RYR3: variants seen among roughly 807,000 people sequenced by gnomAD.
RYR3 encodes the protein brain ryanodine receptor-calcium release channel.
A neutral mutation model predicts 584.3 loss-of-function variants in RYR3; 207 were observed. The ratio of observed to expected loss-of-function variants is 0.35; its 90% CI spans 0.32 to 0.40. The LOEUF (loss-of-function observed/expected upper bound fraction) is 0.40. RYR3 is among the 10% of genes least tolerant of loss of function. RYR3 has a pLI of 1.00. For synonymous variants in RYR3, 2,416 were observed against 2,248.5 expected (o/e 1.07, Z -2.11); for missense variants, 5,616 against 6,089.2 (o/e 0.92, Z 2.59).
At chr15:33,857,964 C>T (rs760267208) in intron 99 of RYR3, 50 bp downstream of exon 99, 25 of 1,605,604 alleles carry the variant, frequency 1.6e-5, no homozygotes, top group Admixed American at 1.2e-4. Flanking sequence ...GGGGCCACCC[C>T]GCCCCACCAC....
chr15:33,512,550 A>G (rs2053125048), intron 3 of RYR3, among the ~76,000 whole-genome samples: 1 of 152,206 alleles, frequency 6.6e-6, no homozygotes, highest in Admixed American at 6.5e-5. Flanking sequence ...CGTGTTGTGA[A>G]GTCGGCACCT....
chr15:33,491,919 T>G (rs749280637), intron 2 of RYR3, among the ~76,000 whole-genome samples: 3 of 152,110 alleles, frequency 2.0e-5, no homozygotes, highest in African/African-American at 7.2e-5. Flanking sequence ...CAGGAAAGAT[T>G]TGGGGAGAAG....
chr15:33,693,355 G>A (rs1173079894), intron 38 of RYR3, among the ~76,000 whole-genome samples: 6 of 152,228 alleles, frequency 3.9e-5, no homozygotes, highest in South Asian at 2.1e-4. Flanking sequence ...GCGCTGCTCA[G>A]TGTGCATGTG....
At chr15:33,749,196 T>G (rs1397798756) in intron 55 of RYR3, among the ~76,000 whole-genome samples, 1 of 152,180 alleles carries the variant, frequency 6.6e-6, no homozygotes, top group Non-Finnish European at 1.5e-5. Flanking sequence ...TGGAGGTGCT[T>G]GCTGGTCATT....
chr15:33,440,649 T>A (rs1186646077), intron 1 of RYR3, among the ~76,000 whole-genome samples: 8 of 152,174 alleles, frequency 5.3e-5, no homozygotes, highest in Non-Finnish European at 5.9e-5. Flanking sequence ...TCAAAGTGAT[T>A]CTCCAACGTG....
intron 1 of RYR3, among the ~76,000 whole-genome samples, chr15:33,450,663 T>C (rs972821615): frequency 5.9e-5 from 9 of 152,072 alleles, no homozygotes; most frequent in Non-Finnish European, 1.0e-4. Context: ...TTATTTACAC[T>C]GCACACCTTG....
chr15:33,662,677 G>C lies in RYR3; in HGVS notation c.5147G>C (p.Gly1716Ala). The change falls in exon 35 of 104, where the codon GGG becomes GCG. Residue 1716 changes from glycine (G) to alanine (A), a missense_variant. By Grantham distance (60) the Gly-to-Ala change is moderately conservative (BLOSUM62 0). Transcript: ENST00000634891. ...SGAHIRDPVG[G>A]SVEFQFVPVL... The stretch of plus-strand genomic sequence containing the variant: ...GCCCACATCCGAGACCCTGTAGGGG[G>C]GTCTGTGGAGTTCCAGTTTGTGCCT... 1.2e-6 allele frequency: 2 copies of C among 1,614,182 alleles called. No homozygotes were observed.
At chr15:33,383,152 G>A (rs1358887547) in intron 1 of RYR3, among the ~76,000 whole-genome samples, 2 of 151,624 alleles carry the variant, frequency 1.3e-5, no homozygotes, top group Non-Finnish European at 2.9e-5. Context: ...CAGACAGTAA[G>A]TGATGGGGGT....
intron 34 of RYR3, 122 bp downstream of exon 34, chr15:33,660,545 A>C: frequency 1.6e-6 from 1 of 625,762 alleles, no homozygotes; most frequent in Non-Finnish European, 2.7e-6. Flanking sequence ...GTATGACTTG[A>C]TTTCCCCAGT....
rs910198269 is a variant in RYR3 at position 33,835,063 on chromosome 15, ACT to A, written c.11565_11566del (p.Gln3856GlyfsTer41). On this transcript the variant is annotated frameshift_variant, in exon 87 of 104. Coordinates refer to ENST00000634891, the MANE Select transcript of RYR3 (RefSeq NM_001036.6). LOFTEE classifies it high-confidence loss of function. The part of the protein sequence containing the change: ...LHVFANMQMK[L>X]SQDSSQIELL... The stretch of plus-strand genomic sequence containing the variant: ...ATGTCTTTGCTAATATGCAGATGAA[ACT>A]CTCTCAGGTACTGTGGCCCATTCCC... The A allele has an allele frequency of 1.2e-6, 2 of 1,612,414 alleles. No homozygotes were observed. The highest frequency in any genetic ancestry group is 2.7e-5 in the African/African-American group (2 of 74,842).
At chr15:33,447,441 C>A (rs1164254255) in intron 1 of RYR3, among the ~76,000 whole-genome samples, 1 of 152,150 alleles carries the variant, frequency 6.6e-6, no homozygotes, top group African/African-American at 2.4e-5. Context: ...TCCTTCCCCA[C>A]CCCATGCCCA....
chr15:33,352,380 A>G (rs1315983466), intron 1 of RYR3, among the ~76,000 whole-genome samples: 1 of 151,980 alleles, frequency 6.6e-6, no homozygotes, highest in Non-Finnish European at 1.5e-5. Context: ...TTAGGGTTGA[A>G]TTCTTCTGGT....
At chr15:33,705,101 T>TTC (rs10534581) in intron 42 of RYR3, among the ~76,000 whole-genome samples, 5,081 of 142,076 alleles carry the variant, frequency 0.036, 138 homozygotes, top group Non-Finnish European at 0.038. Flanking sequence ...CACACACTCT[T>TTC]TCTCTCTCTC....
chr15:33,546,568 A>C (rs1241923078), intron 8 of RYR3, among the ~76,000 whole-genome samples: 2 of 152,220 alleles, frequency 1.3e-5, no homozygotes, highest in African/African-American at 4.8e-5. Flanking sequence ...CTGTATGATT[A>C]ATGTGTTCCT....
chr15:33,311,802 G>A lies in RYR3; in HGVS notation c.51+706G>A, dbSNP rs1349657609. Among the ~76,000 whole-genome samples the A allele has an allele frequency of 6.6e-6, 1 of 152,230 alleles. No individual in the cohort carries two copies. Among genetic ancestry groups the A allele is most frequent in the Non-Finnish European group, 1.5e-5 (1 of 68,038 alleles). ...GGGAAACCCCAGTCAGTGGCTCCGCGTCACTCAGGTCCCCTCCTTGACACC... is the reference window on the plus strand; with the variant it reads ...GGGAAACCCCAGTCAGTGGCTCCGCATCACTCAGGTCCCCTCCTTGACACC... On this transcript the variant is annotated intron_variant, in intron 1 of 103. Coordinates refer to ENST00000634891, the MANE Select transcript of RYR3 (RefSeq NM_001036.6). The surrounding 1 kb of genome is among the most constrained non-coding windows in gnomAD (Gnocchi z 4.4).
chr15:33,802,440 A>C, intron 69 of RYR3, among the ~76,000 whole-genome samples: 1 of 151,552 alleles, frequency 6.6e-6, no homozygotes, highest in East Asian at 2.0e-4. Flanking sequence ...TGATCTCTTA[A>C]TGCCCTCTGT....
intron 3 of RYR3, among the ~76,000 whole-genome samples, chr15:33,521,105 G>A (rs1008312744): frequency 1.4e-5 from 2 of 144,456 alleles, no homozygotes; most frequent in East Asian, 2.0e-4. Flanking sequence ...ATCTTCCTAC[G>A]GCTTTAGGTG....
chr15:33,771,539 A>G (rs1449082642), intron 62 of RYR3, among the ~76,000 whole-genome samples: 3 of 151,968 alleles, frequency 2.0e-5, no homozygotes, highest in African/African-American at 7.2e-5. Context: ...TCTCAAAAAA[A>G]AAAAAGTTGT....
At chr15:33,620,755 A>T (rs2060686938) in intron 19 of RYR3, among the ~76,000 whole-genome samples, 1 of 151,890 alleles carries the variant, frequency 6.6e-6, no homozygotes, top group African/African-American at 2.4e-5. Flanking sequence ...CTTCTCACGG[A>T]CTCTGGGTAG....
Sources: gnomAD v4.1 joint callset for allele counts (sites outside exome capture counted in the v4.1 genomes callset) on GRCh38, gnomAD v4.1.1 for gene constraint, Gnocchi (gnomAD v3.1) non-coding constraint, MANE v1.5 for transcripts, NCBI Gene and HGNC (gene_info 2026-07-23, HGNC 2026-07-21) for gene names.